FREM2: variants seen among roughly 807,000 people sequenced by gnomAD.
FREM2 encodes FRAS1-related extracellular matrix protein 2.
FREM2 carries 119 observed loss-of-function variants against 219.9 expected under a neutral mutation model. That is an observed-to-expected ratio of 0.54 (90% CI 0.47 to 0.63). FREM2 has a LOEUF of 0.63. Among genes scored for constraint, FREM2 ranks in the 30% least tolerant of loss-of-function variants. The probability of loss-of-function intolerance (pLI) is 0.00; values close to 1 mark genes in which losing one functional copy is unlikely to be tolerated. For synonymous variants in FREM2, 1,562 were observed against 1,522.8 expected (o/e 1.03, Z -0.60); for missense variants, 4,030 against 3,993.6 (o/e 1.01, Z -0.25).
Position 38,886,874 on chromosome 13 carries a change from T to C in FREM2, c.*6087T>C, listed in dbSNP as rs1878750046. Reference sequence around the variant, plus strand: ...TAATGGAATTATTTGCAGAATTTAATAGCCTTTTTTATTTTCGCATGAGAA... The same window carrying C: ...TAATGGAATTATTTGCAGAATTTAACAGCCTTTTTTATTTTCGCATGAGAA... On this transcript the variant is annotated 3_prime_UTR_variant, in exon 24 of 24. Transcript: ENST00000280481. The C allele has an allele frequency of 6.6e-6, 1 of 152,242 alleles. No individual in the cohort carries two copies. The highest frequency in any genetic ancestry group is 1.5e-5 in the Non-Finnish European group (1 of 68,050). The allele number at this position is 152,242 out of a possible 1,614,324, so 9.4% of individuals were successfully genotyped here.
chr13:38,690,540 G>T lies in FREM2; in HGVS notation c.3196G>T (p.Ala1066Ser). ...GACCATCCTGCCTGTTGATAGCCAG[G>T]CCCCAGAAATCTTTGTAGGTGAACA... is the stretch of plus-strand genomic sequence containing the variant. ...WVTILPVDSQ[A>S]PEIFVGEQLI... Residue 1066 changes from alanine to serine, a missense_variant, in exon 1 of 24, where the codon GCC (alanine) becomes TCC (serine). Physicochemically the swap from Ala to Ser is moderately conservative, Grantham distance 99. Coordinates refer to ENST00000280481, the MANE Select transcript of FREM2 (RefSeq NM_207361.6). 1 of 1,614,166 alleles carries T rather than the reference G, an allele frequency of 6.2e-7. No homozygotes were observed. Among genetic ancestry groups the T allele is most frequent in the South Asian group, 1.1e-5 (1 of 91,078 alleles).
At chr13:38,877,065 G>A in intron 20 of FREM2, 52 bp from the exon 21 acceptor site, 1 of 1,603,574 alleles carries the variant, frequency 6.2e-7, no homozygotes, top group Middle Eastern at 1.7e-4. Flanking sequence ...CAGTATGTTT[G>A]TGCACCATCA....
intron 6 of FREM2, among the ~76,000 whole-genome samples, chr13:38,787,787 A>T (rs1053127812): frequency 2.0e-5 from 3 of 150,604 alleles, no homozygotes; most frequent in African/African-American, 7.3e-5. Context: ...ATTTAGCAAT[A>T]TTTATTAATG....
At chr13:38,803,581 C>T (rs1331423754) in intron 6 of FREM2, among the ~76,000 whole-genome samples, 63 of 151,656 alleles carry the variant, frequency 4.2e-4, no homozygotes, top group African/African-American at 1.5e-3. Context: ...TCACTAGGGT[C>T]AGTATTAAGT....
chr13:38,849,021 CA>C (rs1407391772), intron 8 of FREM2, among the ~76,000 whole-genome samples: 2 of 151,992 alleles, frequency 1.3e-5, no homozygotes, highest in Non-Finnish European at 2.9e-5. Flanking sequence ...ATGAGGACAC[CA>C]GTCACATTGG....
At chr13:38,729,133 A>G (rs1465058121) in intron 2 of FREM2, among the ~76,000 whole-genome samples, 1 of 152,160 alleles carries the variant, frequency 6.6e-6, no homozygotes, top group Non-Finnish European at 1.5e-5. Flanking sequence ...ACAGAGTCTC[A>G]AAGAAAAGAA....
chr13:38,835,764 A>T (rs1323154016), intron 6 of FREM2, among the ~76,000 whole-genome samples: 1 of 152,226 alleles, frequency 6.6e-6, no homozygotes, highest in Non-Finnish European at 1.5e-5. Context: ...ATTGGTGTAT[A>T]GGAATGCTTG....
In FREM2 at chr13:38,864,615, T is replaced by TA. The variant is rs764153590; in HGVS notation, c.7983+9_7983+10insA. 2.1e-5 allele frequency: 34 copies of TA among 1,611,438 alleles called. No individual in the cohort carries two copies. The highest frequency in any genetic ancestry group is 2.8e-5 in the Non-Finnish European group (33 of 1,177,640). On this transcript the variant is annotated intron_variant, in intron 16 of 23. Transcript: ENST00000280481. ...TTGGAACAGATGGACAGGTACAGAT[T>TA]TATAACATCTGAGTTTGGTCACTGG...
intron 2 of FREM2, among the ~76,000 whole-genome samples, chr13:38,701,293 G>A (rs922673674): frequency 2.6e-5 from 4 of 152,154 alleles, no homozygotes; most frequent in African/African-American, 9.6e-5. Context: ...TGAAGTTCAA[G>A]AATATATTCC....
At chr13:38,805,424 A>G (rs1214815295) in intron 6 of FREM2, among the ~76,000 whole-genome samples, 1 of 151,988 alleles carries the variant, frequency 6.6e-6, no homozygotes, top group African/African-American at 2.4e-5. Context: ...AGAAGGAATT[A>G]GTCTAGGGAA....
chr13:38,688,286 GAAC>G lies in FREM2; in HGVS notation c.944_946del (p.Asn315del). 6.2e-7 allele frequency: 1 copy of G among 1,614,156 alleles called. No individual in the cohort carries two copies. Among genetic ancestry groups the G allele is most frequent in the South Asian group, 1.1e-5 (1 of 91,080 alleles). On this transcript the variant is annotated inframe_deletion, in exon 1 of 24. Transcript: ENST00000280481. ...TGGTGAGGATCCGAGGAGGGGCCGA[GAAC>G]ACTGCACCCAAGCCCAGTTTCGTGG...
At chr13:38,866,930 CT>C in intron 16 of FREM2, among the ~76,000 whole-genome samples, 1 of 152,288 alleles carries the variant, frequency 6.6e-6, no homozygotes, top group South Asian at 2.1e-4. Context: ...AAAGCCTGCC[CT>C]CTACTGTGTT....
At position 38,689,596 on chromosome 13, in the gene FREM2, A is replaced by G; in HGVS notation, c.2252A>G (p.Glu751Gly). Residue 751 changes from glutamate to glycine, a missense_variant, in exon 1 of 24, where the codon GAA (glutamate) becomes GGA (glycine). By Grantham distance (98) the Glu-to-Gly change is moderately conservative (BLOSUM62 -2). Coordinates refer to ENST00000280481, the MANE Select transcript of FREM2 (RefSeq NM_207361.6). Reference sequence around the variant, plus strand: ...ACTCAGCCCCCCACAGACACAGACGAAAATCACCTGCCAGCCCCACTGGGT... The same window carrying G: ...ACTCAGCCCCCCACAGACACAGACGGAAATCACCTGCCAGCCCCACTGGGT... ...TVTQPPTDTD[E>G]NHLPAPLGTL... is the part of the protein sequence containing the mutation. 6.2e-7 allele frequency: 1 copy of G among 1,613,236 alleles called. No homozygotes were observed. Among genetic ancestry groups the G allele is most frequent in the South Asian group, 1.1e-5 (1 of 90,908 alleles).
chr13:38,714,938 A>T (rs1870936340), intron 2 of FREM2, among the ~76,000 whole-genome samples: 1 of 151,944 alleles, frequency 6.6e-6, no homozygotes, highest in African/African-American at 2.4e-5. Context: ...TACAAAAAAA[A>T]AAAATTAGCT....
At chr13:38,829,631 G>C in intron 6 of FREM2, among the ~76,000 whole-genome samples, 1 of 150,048 alleles carries the variant, frequency 6.7e-6, no homozygotes, top group Middle Eastern at 3.5e-3. Flanking sequence ...TCAGTAAAAT[G>C]TATTTATTAT....
At chr13:38,850,539 G>A (rs1593445024) in intron 9 of FREM2, among the ~76,000 whole-genome samples, 2 of 152,176 alleles carry the variant, frequency 1.3e-5, no homozygotes, top group African/African-American at 4.8e-5. Context: ...TCAATGATTT[G>A]TTTAGTAAGT....
rs777410089 is a variant in FREM2, at chr13:38,690,873, C to G, written c.3529C>G (p.Gln1177Glu). ...CSDGINFSERQFFPIVIIPTN... is the reference protein window; with the variant it reads ...CSDGINFSEREFFPIVIIPTN... ...TGATGGCATTAACTTTTCAGAGAGA[C>G]AGTTCTTCCCCATTGTAATCATTCC... The change falls in exon 1 of 24, where the codon CAG becomes GAG. Residue 1177 changes from glutamine (Q) to glutamate (E), a missense_variant. Physicochemically the swap from Gln to Glu is conservative, Grantham distance 29. Transcript: ENST00000280481. 6.2e-7 allele frequency: 1 copy of G among 1,614,136 alleles called. No homozygotes were observed. The highest frequency in any genetic ancestry group is 8.5e-7 in the Non-Finnish European group (1 of 1,180,012).
Position 38,767,860 on chromosome 13 carries a change from T to A in FREM2, c.5411-1718T>A, listed in dbSNP as rs988833960. On this transcript the variant is annotated intron_variant, in intron 3 of 23. Transcript: ENST00000280481. Reference sequence around the variant, plus strand: ...TACCTGCTACTGTAAAAGAAAAATATGATGCAATATTTATGTTAGTTATTG... The same window carrying A: ...TACCTGCTACTGTAAAAGAAAAATAAGATGCAATATTTATGTTAGTTATTG... 5.3e-5 allele frequency among the ~76,000 whole-genome samples: 8 copies of A among 152,336 alleles called. No homozygotes were observed. In the East Asian group the frequency reaches 1.5e-3, roughly 29 times the overall value.
chr13:38,758,005 A>C (rs543450331), intron 2 of FREM2, among the ~76,000 whole-genome samples: 1 of 152,306 alleles, frequency 6.6e-6, no homozygotes, highest in East Asian at 1.9e-4. Context: ...AGGAAGGGAG[A>C]AAATGATAGA....
Sources: gnomAD v4.1 joint callset for allele counts (sites outside exome capture counted in the v4.1 genomes callset) on GRCh38, gnomAD v4.1.1 for gene constraint, MANE v1.5 for transcripts, NCBI Gene and HGNC (gene_info 2026-07-23, HGNC 2026-07-21) for gene names.